The following PLCE1 variants were observed in gnomAD, a reference collection of about 807,000 sequenced individuals.
The protein encoded by PLCE1 is 1-phosphatidylinositol 4,5-bisphosphate phosphodiesterase epsilon-1.
In PLCE1, 119 loss-of-function variants were observed where a neutral mutation model predicts 242.8. The ratio of observed to expected loss-of-function variants is 0.49; its 90% CI spans 0.42 to 0.57. The LOEUF (loss-of-function observed/expected upper bound fraction) is 0.57, where lower values mean the gene tolerates loss of function less well. Among genes scored for constraint, PLCE1 ranks in the 20% least tolerant of loss-of-function variants. The pLI is 0.00. For missense variants in PLCE1, 2,441 were observed against 2,788.8 expected (o/e 0.88, Z 2.81); for synonymous variants, 945 against 1,017.4 (o/e 0.93, Z 1.35).
rs1199748023 is a variant in PLCE1 at position 94,020,202 on chromosome 10, G to A, written c.-364-10481G>A. Among the ~76,000 whole-genome samples the A allele has an allele frequency of 3.3e-5, 5 of 152,292 alleles. No homozygotes were observed. The East Asian group carries it at 9.7e-4, about 29-fold the overall frequency. On this transcript the variant is annotated intron_variant, in intron 1 of 32. Coordinates refer to ENST00000371380, the MANE Select transcript of PLCE1 (RefSeq NM_016341.4). ...TTTAATTTTAGCTAGTCTAGTGGGT[G>A]TGAAGTGCTATCTCATTGTGATTTT...
intron 1 of PLCE1, among the ~76,000 whole-genome samples, chr10:94,016,853 G>A (rs2061291895): frequency 6.6e-6 from 1 of 151,876 alleles, no homozygotes; most frequent in Non-Finnish European, 1.5e-5. Context: ...GTATGGTACG[G>A]CACTTTGGCC....
rs772739339 is a variant in PLCE1 at position 94,325,040 on chromosome 10, G to T, written c.6869G>T (p.Gly2290Val). The T allele has an allele frequency of 2.2e-5, 36 of 1,614,090 alleles. No individual in the cohort carries two copies. The highest frequency in any genetic ancestry group is 2.8e-5 in the Non-Finnish European group (33 of 1,180,038). Residue 2290 changes from glycine to valine, a missense_variant, in exon 32 of 33, where the codon GGT becomes GTT. By Grantham distance (109) the Gly-to-Val change is moderately radical. Transcript: ENST00000371380. ...CAAACCAAGGAGGAGAAACCTGTGG[G>T]TGGCTTGTCCTCCAGTGACACAATG... ...SIQTKEEKPVGGLSSSDTMDY... is the reference protein window; with the variant it reads ...SIQTKEEKPVVGLSSSDTMDY...
At chr10:94,209,513 T>G (rs1237327067) in intron 4 of PLCE1, among the ~76,000 whole-genome samples, 1 of 152,212 alleles carries the variant, frequency 6.6e-6, no homozygotes, top group African/African-American at 2.4e-5. Context: ...TTGCCTATAG[T>G]ACCTCATGGG....
intron 2 of PLCE1, among the ~76,000 whole-genome samples, chr10:94,059,068 G>A (rs1312412446): frequency 1.3e-5 from 2 of 152,136 alleles, no homozygotes; most frequent in African/African-American, 4.8e-5. Context: ...TGGTGGTAAT[G>A]TGCAAAGAAA....
At chr10:94,227,184 A>G (rs995796528) in intron 4 of PLCE1, 122 bp from the exon 5 acceptor site, 66 of 908,190 alleles carry the variant, frequency 7.3e-5, no homozygotes, top group Non-Finnish European at 6.4e-5. Flanking sequence ...GCCAGGACCT[A>G]CAGGTCTTTC....
intron 2 of PLCE1, among the ~76,000 whole-genome samples, chr10:94,076,552 CT>C (rs1486438868): frequency 1.3e-5 from 2 of 152,260 alleles, no homozygotes; most frequent in Admixed American, 6.5e-5. Flanking sequence ...GGAAATAGAA[CT>C]GAATCTTTCA....
chr10:94,317,819 C>T (rs34573359), intron 29 of PLCE1, among the ~76,000 whole-genome samples: 20,915 of 152,022 alleles, frequency 0.14, 1,595 homozygotes, highest in Middle Eastern at 0.27. Context: ...GACAGTCATG[C>T]GTCATGACAT....
At chr10:94,245,372 A>C (rs993631038) in intron 7 of PLCE1, among the ~76,000 whole-genome samples, 24 of 152,226 alleles carry the variant, frequency 1.6e-4, no homozygotes, top group African/African-American at 5.5e-4. Context: ...CATAATAAAG[A>C]TTATTGTTGT....
intron 4 of PLCE1, among the ~76,000 whole-genome samples, chr10:94,223,242 A>T (rs1011487430): frequency 3.3e-5 from 5 of 151,574 alleles, no homozygotes; most frequent in African/African-American, 1.2e-4. Flanking sequence ...ACAAAAAAAA[A>T]AAAAAAAAAA....
chr10:94,112,851 G>A (rs945294072), intron 2 of PLCE1, among the ~76,000 whole-genome samples: 2 of 152,110 alleles, frequency 1.3e-5, no homozygotes, highest in African/African-American at 2.4e-5. Context: ...GGACCAATAA[G>A]GTCTAAAGAT....
chr10:94,059,307 G>A (rs959414649), intron 2 of PLCE1, among the ~76,000 whole-genome samples: 1 of 152,184 alleles, frequency 6.6e-6, no homozygotes, highest in Non-Finnish European at 1.5e-5. Flanking sequence ...AACTGGGACT[G>A]AGGCCTTGAC....
At chr10:94,034,080 T>C (rs1273184934) in intron 2 of PLCE1, among the ~76,000 whole-genome samples, 3 of 152,116 alleles carry the variant, frequency 2.0e-5, no homozygotes, top group African/African-American at 4.8e-5. Context: ...ACATGTCTTA[T>C]ATGGTGGCAG....
At chr10:94,102,585 C>T (rs145116805) in intron 2 of PLCE1, among the ~76,000 whole-genome samples, 3 of 152,290 alleles carry the variant, frequency 2.0e-5, no homozygotes, top group Admixed American at 6.5e-5. Context: ...TCATGTCACA[C>T]GTGAAGACAA....
At chr10:94,195,963 A>G (rs2048808283) in intron 4 of PLCE1, among the ~76,000 whole-genome samples, 1 of 152,146 alleles carries the variant, frequency 6.6e-6, no homozygotes, top group Non-Finnish European at 1.5e-5. Context: ...TGCTTCTTAG[A>G]ATTTAGACTC....
intron 21 of PLCE1, 63 bp from the exon 22 acceptor site, chr10:94,284,785 G>A: frequency 1.2e-6 from 1 of 868,712 alleles, no homozygotes; most frequent in Non-Finnish European, 2.0e-6. Flanking sequence ...AAAGAGCTTT[G>A]GGAATCCAGA....
In PLCE1 at chr10:94,227,363, G is replaced by A. The variant is rs1471710477; in HGVS notation, c.1867G>A (p.Glu623Lys). Residue 623 changes from glutamate (E) to lysine (K), a missense_variant, in exon 5 of 33, where the codon GAA becomes AAA. Physicochemically the swap from Glu to Lys is moderately conservative, Grantham distance 56. This residue lies in a region of PLCE1 where 733 missense variants were observed against 754.2 expected (regional missense o/e 0.97). Coordinates refer to ENST00000371380, the MANE Select transcript of PLCE1 (RefSeq NM_016341.4). The part of the protein sequence containing the change: ...LTAGSMEEKR[E>K]VFSYLVHVAK... ...GGCAGGCTCCATGGAGGAGAAGCGAGAAGTCTTTTCATATTTGGTGCATGT... is the reference window on the plus strand; with the variant it reads ...GGCAGGCTCCATGGAGGAGAAGCGAAAAGTCTTTTCATATTTGGTGCATGT... 1.2e-6 allele frequency: 2 copies of A among 1,613,980 alleles called. No individual in the cohort carries two copies. The highest frequency in any genetic ancestry group is 1.7e-5 in the Admixed American group (1 of 60,002).
chr10:94,095,468 C>T (rs1478809430), intron 2 of PLCE1, among the ~76,000 whole-genome samples: 1 of 152,174 alleles, frequency 6.6e-6, no homozygotes, highest in Non-Finnish European at 1.5e-5. Context: ...GCGATCCTCT[C>T]ACCTCAGCCT....
chr10:94,125,924 G>A (rs2046423680), intron 2 of PLCE1, among the ~76,000 whole-genome samples: 1 of 152,124 alleles, frequency 6.6e-6, no homozygotes, highest in Admixed American at 6.5e-5. Context: ...TGGATGTGGT[G>A]TGTCTGGTTG....
At position 94,212,413 on chromosome 10, in the gene PLCE1, C is replaced by G. The variant is rs578036594; in HGVS notation, c.1810-14893C>G. Among the ~76,000 whole-genome samples the G allele has an allele frequency of 1.7e-4, 26 of 152,308 alleles. No homozygotes were observed. The South Asian group carries it at 5.2e-3, about 30-fold the overall frequency. On this transcript the variant is annotated intron_variant, in intron 4 of 32. Coordinates refer to ENST00000371380, the MANE Select transcript of PLCE1 (RefSeq NM_016341.4). ...CTGGGACTACAGGCATCCACCACTA[C>G]GCCCAGCTGATTTTTTGTATTTTTA...
Sources: gnomAD v4.1 joint callset for allele counts (sites outside exome capture counted in the v4.1 genomes callset) on GRCh38, gnomAD v4.1.1 for gene constraint, gnomAD v4.1.1 regional missense constraint, MANE v1.5 for transcripts, NCBI Gene and HGNC (gene_info 2026-07-23, HGNC 2026-07-21) for gene names.